The following EXOC2 variants were observed in gnomAD, a reference collection of about 807,000 sequenced individuals.
EXOC2 encodes the protein SEC5-like 1.
Under a neutral mutation model 131.8 loss-of-function variants are expected in EXOC2, and 70 were observed. The observed-to-expected ratio is 0.53, with a 90% confidence interval of 0.44 to 0.65. EXOC2 has a LOEUF of 0.65. Among genes scored for constraint, EXOC2 ranks in the 30% least tolerant of loss-of-function variants. The pLI is 0.00. For missense variants in EXOC2, 923 were observed against 1,108.6 expected, an observed-to-expected ratio of 0.83 and a Z score of 2.38; for synonymous variants, 411 against 398.4, an observed-to-expected ratio of 1.03 and a Z score of -0.38.
At chr6:607,938 C>T (rs1347359438) in intron 7 of EXOC2, among the ~76,000 whole-genome samples, 1 of 151,970 alleles carries the variant, frequency 6.6e-6, no homozygotes, top group African/African-American at 2.4e-5. Context: ...CCAACAGTAT[C>T]CTTTAGAAAC....
chr6:529,117 C>CCA (rs1554122772), intron 23 of EXOC2, among the ~76,000 whole-genome samples: 1 of 14,416 alleles, frequency 6.9e-5, no homozygotes, highest in Non-Finnish European at 2.9e-4. Flanking sequence ...CTGCCTTTTA[C>CCA]CCCCCCCCGC....
chr6:494,884 A>AT (rs1196202723), intron 25 of EXOC2, among the ~76,000 whole-genome samples: 1 of 152,028 alleles, frequency 6.6e-6, no homozygotes, highest in Non-Finnish European at 1.5e-5. Context: ...GACTACGAAC[A>AT]TTCTTATTTT....
chr6:637,911 G>T, intron 1 of EXOC2, 50 bp from the exon 2 acceptor site: 1 of 1,135,758 alleles, frequency 8.8e-7, no homozygotes, highest in South Asian at 1.4e-5. Flanking sequence ...GACAAGCATT[G>T]GCTGAAAATA....
intron 4 of EXOC2, among the ~76,000 whole-genome samples, chr6:620,697 A>G (rs1761243396): frequency 6.6e-6 from 1 of 151,912 alleles, no homozygotes. Context: ...TAGGCAGCTT[A>G]GTTCGTGATC....
Position 572,504 on chromosome 6 carries a change from G to A in EXOC2, c.1443+16C>T, listed in dbSNP as rs370029800. The A allele has an allele frequency of 5.3e-5, 85 of 1,600,424 alleles. No homozygotes were observed. The highest frequency in any genetic ancestry group is 1.7e-4 in the Middle Eastern group (1 of 6,014). On this transcript the variant is annotated intron_variant, in intron 13 of 27. Transcript: ENST00000230449. Reference sequence around the variant, plus strand: ...CGGTGACTCAGCTCCACCTCTAGCCGAGTCCGTATACACACCTCACTGAAG... The same window carrying A: ...CGGTGACTCAGCTCCACCTCTAGCCAAGTCCGTATACACACCTCACTGAAG...
chr6:508,280 C>T (rs183194769), intron 23 of EXOC2, among the ~76,000 whole-genome samples: 9 of 151,694 alleles, frequency 5.9e-5, no homozygotes, highest in Non-Finnish European at 1.0e-4. Flanking sequence ...TTGTTACAGT[C>T]GAAAGACCTA....
chr6:553,950 CA>C (rs1757283286), intron 20 of EXOC2, 30 bp from the exon 21 acceptor site: 17 of 1,562,718 alleles, frequency 1.1e-5, no homozygotes, highest in Non-Finnish European at 1.4e-5. Context: ...GGAACAGTTA[CA>C]AATAAAGCAC....
At chr6:673,200 AAGATCGCGCC>A (rs1763950703) in intron 1 of EXOC2, among the ~76,000 whole-genome samples, 1 of 147,298 alleles carries the variant, frequency 6.8e-6, no homozygotes, top group African/African-American at 2.5e-5. Context: ...TTGCAGAGGC[AAGATCGCGCC>A]ATTGCACTCC....
chr6:525,403 A>G (rs1315312367), intron 23 of EXOC2: 3 of 152,222 alleles, frequency 2.0e-5, no homozygotes, highest in Non-Finnish European at 4.4e-5. Flanking sequence ...CAATGACTAG[A>G]GGCTTTCCTC....
intron 1 of EXOC2, among the ~76,000 whole-genome samples, chr6:652,108 A>G (rs1762862416): frequency 6.6e-6 from 1 of 152,164 alleles, no homozygotes; most frequent in Non-Finnish European, 1.5e-5. Context: ...ACCAAACAAA[A>G]TAATTCACAT....
Position 690,247 on chromosome 6 carries a change from T to C in EXOC2, c.-44+2772A>G, listed in dbSNP as rs899814233. Reference sequence around the variant, plus strand: ...GGCACGCACCTATAGTCCCAGCTACTTGGGAGGCTGAGGTAGAAGGATTTC... The same window carrying C: ...GGCACGCACCTATAGTCCCAGCTACCTGGGAGGCTGAGGTAGAAGGATTTC... On this transcript the variant is annotated intron_variant, in intron 1 of 27. Coordinates refer to ENST00000230449, the MANE Select transcript of EXOC2 (RefSeq NM_018303.6). Among the ~76,000 whole-genome samples the C allele has an allele frequency of 6.9e-4, 105 of 152,144 alleles. 2 individuals carry two copies. The highest frequency in any genetic ancestry group is 2.2e-4 in the Non-Finnish European group (15 of 68,006).
At chr6:572,413 A>T in intron 13 of EXOC2, 107 bp downstream of exon 13, 1 of 1,338,914 alleles carries the variant, frequency 7.5e-7, no homozygotes, top group Non-Finnish European at 1.0e-6. Context: ...GACGATGGCT[A>T]GAGATGTTGG....
At position 562,811 on chromosome 6, in the gene EXOC2, A is replaced by G; in HGVS notation, c.1824T>C (p.Ile608=). 6.2e-7 allele frequency: 1 copy of G among 1,600,798 alleles called. No individual in the cohort carries two copies. Among genetic ancestry groups the G allele is most frequent in the Non-Finnish European group, 8.5e-7 (1 of 1,175,048 alleles). The change falls in exon 17 of 28, where the codon ATT becomes ATC. Residue 608 remains isoleucine (I), a synonymous_variant. Transcript: ENST00000230449. ...GAGAAGTCAGTCCTTCATTGTCAACAATCCAGTCTTCTTTTTCAGCTAATC... is the reference window on the plus strand; with the variant it reads ...GAGAAGTCAGTCCTTCATTGTCAACGATCCAGTCTTCTTTTTCAGCTAATC... ...IKRLAEKEDW[I]VDNEGLTSLP...
chr6:588,135 G>C (rs1300528808), intron 11 of EXOC2, among the ~76,000 whole-genome samples: 3 of 152,086 alleles, frequency 2.0e-5, no homozygotes, highest in Non-Finnish European at 4.4e-5. Flanking sequence ...AATCGCTTCT[G>C]ACCTAAGTTC....
chr6:680,324 T>C (rs1401514852), intron 1 of EXOC2, among the ~76,000 whole-genome samples: 1 of 152,182 alleles, frequency 6.6e-6, no homozygotes, highest in African/African-American at 2.4e-5. Flanking sequence ...CCAATCAATG[T>C]TTCCATTTAA....
chr6:564,330 C>T (rs986938463), intron 15 of EXOC2, among the ~76,000 whole-genome samples, 176 bp from the exon 16 acceptor site: 23 of 152,058 alleles, frequency 1.5e-4, no homozygotes, highest in African/African-American at 4.8e-4. Context: ...AGTGAAACAA[C>T]GGAGAAGATG....
chr6:612,967 G>C (rs370359436), intron 6 of EXOC2, among the ~76,000 whole-genome samples: 1 of 152,102 alleles, frequency 6.6e-6, no homozygotes, highest in Non-Finnish European at 1.5e-5. Context: ...CAGGGAAATC[G>C]CCACCAAAAC....
chr6:670,891 T>C (rs1043707071), intron 1 of EXOC2, among the ~76,000 whole-genome samples: 1 of 151,978 alleles, frequency 6.6e-6, no homozygotes, highest in Admixed American at 6.6e-5. Flanking sequence ...TAGCTTTAAA[T>C]GTAGAAGTTG....
chr6:486,554 A>G lies in EXOC2; in HGVS notation c.*117T>C. On this transcript the variant is annotated 3_prime_UTR_variant, in exon 28 of 28. Transcript: ENST00000230449. ...CAACAATTTTCGAAGTCAGAGGAAG[A>G]AAAAAGAGAAAAATGGCAAACCCAA... 2 of 921,050 alleles carry G rather than the reference A, an allele frequency of 2.2e-6. No homozygotes were observed. 57.1% of individuals were successfully genotyped at this position (921,050 alleles called of 1,614,324 possible).
Sources: allele counts gnomAD v4.1 joint callset (sites outside exome capture counted in the v4.1 genomes callset), GRCh38; gene constraint gnomAD v4.1.1; transcripts MANE v1.5; gene names NCBI Gene and HGNC (gene_info 2026-07-23, HGNC 2026-07-21).